The following GDPD1 variants were observed in gnomAD, a reference collection of about 807,000 sequenced individuals.
GDPD1 encodes lysophospholipase D GDPD1.
Under a neutral mutation model 45.1 loss-of-function variants are expected in GDPD1, and 28 were observed. The ratio of observed to expected loss-of-function variants is 0.62; its 90% CI spans 0.46 to 0.85. The LOEUF is 0.85. GDPD1 is among the 40% of genes least tolerant of loss of function. GDPD1 has a pLI of 0.00. For missense variants in GDPD1, 256 were observed against 364.8 expected, an observed-to-expected ratio of 0.70 and a Z score of 2.43; for synonymous variants, 139 against 131.4, an observed-to-expected ratio of 1.06 and a Z score of -0.40.
intron 6 of GDPD1, among the ~76,000 whole-genome samples, chr17:59,262,833 G>A (rs879384478): frequency 1.7e-4 from 26 of 151,980 alleles, no homozygotes; most frequent in Middle Eastern, 3.4e-3. Context: ...TCACCATGTT[G>A]GTCAGGCTGG....
chr17:59,245,637 T>C (rs951598795), intron 3 of GDPD1, 88 bp downstream of exon 3: 6 of 983,308 alleles, frequency 6.1e-6, no homozygotes, highest in Non-Finnish European at 8.8e-6. Context: ...AGCAAAAAAT[T>C]TCTAATATTA....
chr17:59,225,126 C>G (rs1241515555), intron 1 of GDPD1, among the ~76,000 whole-genome samples: 1 of 111,068 alleles, frequency 9.0e-6, no homozygotes, highest in Non-Finnish European at 1.7e-5. Context: ...GAATCTTGCT[C>G]TGTTGCCCAG....
In GDPD1 at chr17:59,234,544, T is replaced by C; in HGVS notation, c.185+10T>C. 6.3e-7 allele frequency: 1 copy of C among 1,579,918 alleles called. No homozygotes were observed. Among genetic ancestry groups the C allele is most frequent in the Non-Finnish European group, 8.7e-7 (1 of 1,151,088 alleles). ...TGGCAGCCTTTCAGCAGTAAGTATG[T>C]AAAAAAGGTAAAAGGTACTCTTTTC... On this transcript the variant is annotated intron_variant, in intron 2 of 9. Coordinates refer to ENST00000284116, the MANE Select transcript of GDPD1 (RefSeq NM_182569.4).
chr17:59,250,221 G>GT (rs2047242514), intron 4 of GDPD1, among the ~76,000 whole-genome samples: 1 of 152,062 alleles, frequency 6.6e-6, no homozygotes, highest in African/African-American at 2.4e-5. Context: ...CCAAACTATT[G>GT]TAATATTTGT....
rs142064429 is a variant in GDPD1, at chr17:59,222,414, G to A, written c.142+1663G>A. ...GTAGAGACGGGGTTTCACTGTCTGA[G>A]CCAGGATGGTCTCGATTTCCTGACC... On this transcript the variant is annotated intron_variant, in intron 1 of 9. Transcript: ENST00000284116. 5.2e-3 allele frequency among the ~76,000 whole-genome samples: 779 copies of A among 149,144 alleles called. 11 individuals carry two copies. Among genetic ancestry groups the A allele is most frequent in the African/African-American group, 0.018 (738 of 40,540 alleles).
chr17:59,270,879 T>C (rs1211436515), intron 7 of GDPD1, 57 bp from the exon 8 acceptor site: 2 of 1,040,232 alleles, frequency 1.9e-6, no homozygotes, highest in East Asian at 4.9e-5. Flanking sequence ...TTTCATTTTA[T>C]CACACTGATA....
chr17:59,259,295 C>T (rs563524744), intron 6 of GDPD1, among the ~76,000 whole-genome samples: 13 of 151,244 alleles, frequency 8.6e-5, no homozygotes, highest in Non-Finnish European at 1.5e-4. Flanking sequence ...AGGCCGGGCG[C>T]GGTGGCTCAC....
At chr17:59,235,725 G>A (rs879378559) in intron 2 of GDPD1, among the ~76,000 whole-genome samples, 4 of 151,618 alleles carry the variant, frequency 2.6e-5, no homozygotes, top group African/African-American at 4.8e-5. Context: ...TCTGGGGCAT[G>A]AGAATTGCTT....
At chr17:59,243,644 T>G (rs1424573829) in intron 2 of GDPD1, among the ~76,000 whole-genome samples, 2 of 152,164 alleles carry the variant, frequency 1.3e-5, no homozygotes, top group African/African-American at 2.4e-5. Context: ...CAGGGATCCT[T>G]GGCTGTCTCC....
chr17:59,244,628 T>C (rs1293437403), intron 2 of GDPD1, among the ~76,000 whole-genome samples: 2 of 152,160 alleles, frequency 1.3e-5, no homozygotes, highest in Admixed American at 6.6e-5. Flanking sequence ...CTACCGTGCC[T>C]GTCTAATTTG....
At chr17:59,221,414 T>G (rs1218136008) in intron 1 of GDPD1, among the ~76,000 whole-genome samples, 1 of 131,424 alleles carries the variant, frequency 7.6e-6, no homozygotes, top group African/African-American at 3.1e-5. Context: ...CTGGAAACCT[T>G]GCATCTTTTT....
At chr17:59,248,270 G>A (rs901211767) in intron 3 of GDPD1, among the ~76,000 whole-genome samples, 9 of 151,488 alleles carry the variant, frequency 5.9e-5, no homozygotes, top group African/African-American at 2.2e-4. Context: ...CTGCACTCCG[G>A]CCCAGGCAAT....
intron 4 of GDPD1, among the ~76,000 whole-genome samples, chr17:59,255,857 GTA>G (rs752195481): frequency 0.012 from 471 of 40,816 alleles, 17 homozygotes; most frequent in Non-Finnish European, 0.013. Flanking sequence ...ATATACACAC[GTA>G]TATATATATA....
intron 1 of GDPD1, among the ~76,000 whole-genome samples, chr17:59,227,372 T>C (rs139128413): frequency 6.6e-6 from 1 of 151,608 alleles, no homozygotes; most frequent in Non-Finnish European, 1.5e-5. Context: ...TGAGCTGAGA[T>C]TGCACCACTG....
chr17:59,270,068 C>A (rs2047432960), intron 7 of GDPD1, among the ~76,000 whole-genome samples: 1 of 151,950 alleles, frequency 6.6e-6, no homozygotes, highest in Non-Finnish European at 1.5e-5. Context: ...TTTTCTAAGA[C>A]AATATAGTGA....
intron 4 of GDPD1, among the ~76,000 whole-genome samples, chr17:59,256,908 A>G (rs913926354): frequency 1.7e-4 from 26 of 152,288 alleles, no homozygotes; most frequent in African/African-American, 5.8e-4. Flanking sequence ...TATTATTAGT[A>G]TATTAAATCA....
rs77231130 is a variant in GDPD1, at chr17:59,235,015, T to C, written c.185+481T>C. Among the ~76,000 whole-genome samples the C allele has an allele frequency of 1.5e-4, 23 of 151,876 alleles. No homozygotes were observed. The East Asian group carries it at 4.1e-3, about 27-fold the overall frequency. ...AATAAAATACATTTTTAAATTCCTATATATAATTTCATATAAGTGTCTTTT... is the reference window on the plus strand; with the variant it reads ...AATAAAATACATTTTTAAATTCCTACATATAATTTCATATAAGTGTCTTTT... On this transcript the variant is annotated intron_variant, in intron 2 of 9. Transcript: ENST00000284116.
intron 1 of GDPD1, among the ~76,000 whole-genome samples, chr17:59,221,386 G>C (rs984512382): frequency 6.6e-6 from 1 of 150,886 alleles, no homozygotes; most frequent in Non-Finnish European, 1.5e-5. Flanking sequence ...AGGAGCTACA[G>C]CGTCCTGGTC....
At chr17:59,262,002 C>G (rs2047360306) in intron 6 of GDPD1, among the ~76,000 whole-genome samples, 1 of 140,234 alleles carries the variant, frequency 7.1e-6, no homozygotes, top group Non-Finnish European at 1.5e-5. Context: ...ACTGCAAGCT[C>G]CGCCTCCCGG....
Sources: allele counts gnomAD v4.1 joint callset (sites outside exome capture counted in the v4.1 genomes callset), GRCh38; gene constraint gnomAD v4.1.1; transcripts MANE v1.5; gene names NCBI Gene and HGNC (gene_info 2026-07-23, HGNC 2026-07-21).